Variants in TNC observed in about 807,000 individuals in gnomAD.
TNC encodes the protein tenascin C.
A neutral mutation model predicts 202.4 loss-of-function variants in TNC; 109 were observed. That is an observed-to-expected ratio of 0.54 (90% CI 0.46 to 0.63). The LOEUF is 0.63. Ranked by LOEUF, TNC falls within the 30% of genes least tolerant of loss-of-function variation. TNC has a pLI of 0.00. For synonymous variants in TNC, 1,007 were observed against 1,089.7 expected, an observed-to-expected ratio of 0.92 and a Z score of 1.50; for missense variants, 2,756 against 2,833.3, an observed-to-expected ratio of 0.97 and a Z score of 0.62.
intron 23 of TNC, among the ~76,000 whole-genome samples, chr9:115,030,877 T>TTGCTA (rs1392434947): frequency 1.3e-5 from 2 of 152,206 alleles, no homozygotes; most frequent in Non-Finnish European, 1.5e-5. Context: ...ACTTGCAGGT[T>TTGCTA]TGCTATCTGC....
At chr9:115,041,777 C>G (rs889590216) in intron 18 of TNC, among the ~76,000 whole-genome samples, 1 of 152,178 alleles carries the variant, frequency 6.6e-6, no homozygotes, top group African/African-American at 2.4e-5. Flanking sequence ...ATAGCCCATG[C>G]GCTTTGAGTT....
At position 115,036,148 on chromosome 9, in the gene TNC, G is replaced by T. The variant is rs1830309763; in HGVS notation, c.5606C>A (p.Ala1869Glu). The T allele has an allele frequency of 6.2e-7, 1 of 1,614,172 alleles. No homozygotes were observed. The highest frequency in any genetic ancestry group is 8.5e-7 in the Non-Finnish European group (1 of 1,180,022). ...PATEYTLRIF[A>E]EKGPQKSSTI... ...TGAGCTCTTCTGGGGCCCTTTCTCT[G>T]CAAAGATTCTCAGTGTGTATTCCGT... The change falls in exon 21 of 28, where the codon GCA (alanine) becomes GAA (glutamate). Residue 1869 changes from alanine (A) to glutamate (E), a missense_variant. Coordinates refer to ENST00000350763, the MANE Select transcript of TNC (RefSeq NM_002160.4).
chr9:115,031,703 A>C lies in TNC; in HGVS notation c.5788-18T>G. ...ATGACTTCCTAAGAGCAGAAGAAAAAGTATAATGGCTTTTGGTCACAGAAA... is the reference window on the plus strand; with the variant it reads ...ATGACTTCCTAAGAGCAGAAGAAAACGTATAATGGCTTTTGGTCACAGAAA... On this transcript the variant is annotated intron_variant, in intron 22 of 27. Transcript: ENST00000350763. 3 of 1,603,272 alleles carry C rather than the reference A, an allele frequency of 1.9e-6. No individual in the cohort carries two copies. The highest frequency in any genetic ancestry group is 1.7e-6 in the Non-Finnish European group (2 of 1,176,582).
Position 115,073,583 on chromosome 9 carries a change from G to C in TNC, c.3214+20C>G. 1 of 1,602,430 alleles carries C rather than the reference G, an allele frequency of 6.2e-7. No individual in the cohort carries two copies. Among genetic ancestry groups the C allele is most frequent in the Non-Finnish European group, 8.5e-7 (1 of 1,171,054 alleles). ...CTCAGAATCAACCTAGAGTTTGGAG[G>C]AAGCTCAGGGCAGACTCACCAGTGG... is the stretch of plus-strand genomic sequence containing the variant. On this transcript the variant is annotated intron_variant, in intron 10 of 27. Transcript: ENST00000350763.
intron 1 of TNC, among the ~76,000 whole-genome samples, chr9:115,092,335 TC>T (rs1835293499): frequency 6.6e-6 from 1 of 152,222 alleles, no homozygotes; most frequent in Non-Finnish European, 1.5e-5. Flanking sequence ...GTTATCTTAT[TC>T]ATCTCTCTTA....
chr9:115,030,202 C>T (rs1564407951), intron 24 of TNC, 52 bp downstream of exon 24: 1 of 1,539,744 alleles, frequency 6.5e-7, no homozygotes. Flanking sequence ...CTGCTTTGCC[C>T]TCTCCCTCTT....
At chr9:115,072,943 T>G (rs3789872) in intron 10 of TNC, among the ~76,000 whole-genome samples, 113,861 of 151,850 alleles carry the variant, frequency 0.75, 43,328 homozygotes, top group Middle Eastern at 0.86. Context: ...AACCATGGCC[T>G]CAGGTTCAGT....
chr9:115,050,770 T>C (rs2132250937), intron 15 of TNC, among the ~76,000 whole-genome samples: 1 of 152,316 alleles, frequency 6.6e-6, no homozygotes, highest in East Asian at 1.9e-4. Flanking sequence ...TCACCAACTC[T>C]ATTTAATCTA....
intron 15 of TNC, chr9:115,052,681 A>C: frequency 3.1e-6 from 2 of 645,410 alleles, no homozygotes; most frequent in Non-Finnish European, 5.6e-6. Flanking sequence ...ATTTTCCTTT[A>C]AGATGACTTA....
At chr9:115,083,384 T>TA (rs1455496549) in intron 4 of TNC, among the ~76,000 whole-genome samples, 1 of 152,130 alleles carries the variant, frequency 6.6e-6, no homozygotes, top group African/African-American at 2.4e-5. Context: ...TGTTTCCACT[T>TA]AAAGAAAAAT....
rs753520738 is a variant in TNC, at chr9:115,064,692, T to A, written c.3442A>T (p.Ile1148Phe). 1.2e-6 allele frequency: 2 copies of A among 1,613,966 alleles called. No individual in the cohort carries two copies. Among genetic ancestry groups the A allele is most frequent in the Admixed American group, 1.7e-5 (1 of 59,996 alleles). Residue 1148 changes from isoleucine (I) to phenylalanine (F), a missense_variant, in exon 11 of 28, where the codon ATC becomes TTC. Transcript: ENST00000350763. ...TPYTVSIYGVIQGYRTPVLSA... is the reference protein window; with the variant it reads ...TPYTVSIYGVFQGYRTPVLSA... ...AGCACTGGTGTTCTATAGCCCTGGA[T>A]CACCCCATAGATGGAGACTGTATAA...
At chr9:115,102,432 G>A (rs1460449694) in intron 1 of TNC, among the ~76,000 whole-genome samples, 2 of 152,240 alleles carry the variant, frequency 1.3e-5, no homozygotes, top group African/African-American at 4.8e-5. Context: ...TGATCATTCA[G>A]CGAGGGTTCC....
Position 115,036,200 on chromosome 9 carries a change from A to G in TNC, c.5554T>C (p.Tyr1852His), listed in dbSNP as rs1322615624. ...GCAGGCTCGAGGTCGGTCAGAGCAT[A>G]CTCCACTGTGTTCCCGGACACCGTG... ...TRTVSGNTVE[Y>H]ALTDLEPATE... Residue 1852 changes from tyrosine to histidine, a missense_variant, in exon 21 of 28, where the codon TAT becomes CAT. This residue lies in a region of TNC where 2,559 missense variants were observed against 2,546.0 expected (regional missense o/e 1.01). Coordinates refer to ENST00000350763, the MANE Select transcript of TNC (RefSeq NM_002160.4). The G allele has an allele frequency of 6.2e-7, 1 of 1,613,956 alleles. No homozygotes were observed. Among genetic ancestry groups the G allele is most frequent in the African/African-American group, 1.3e-5 (1 of 74,942 alleles).
Position 115,114,088 on chromosome 9 carries a change from G to A in TNC, c.-137+3894C>T, listed in dbSNP as rs1837277083. On this transcript the variant is annotated intron_variant, in intron 1 of 27. Transcript: ENST00000350763. ...CCATCTCTGTCTTTTACATTGAATGGAATTATGGCCTGGGGTTTGCAGGAG... is the reference window on the plus strand; with the variant it reads ...CCATCTCTGTCTTTTACATTGAATGAAATTATGGCCTGGGGTTTGCAGGAG... Among the ~76,000 whole-genome samples, 3 of 152,200 alleles carry A rather than the reference G, an allele frequency of 2.0e-5. No homozygotes were observed. In the South Asian group the frequency reaches 6.2e-4, roughly 31 times the overall value.
At chr9:115,113,758 C>T (rs1471272927) in intron 1 of TNC, among the ~76,000 whole-genome samples, 1 of 152,176 alleles carries the variant, frequency 6.6e-6, no homozygotes, top group Non-Finnish European at 1.5e-5. Context: ...TTTAAAATCT[C>T]CATTCACAGA....
chr9:115,073,902 C>T (rs1337523111), intron 9 of TNC, 36 bp from the exon 10 acceptor site: 2 of 1,591,762 alleles, frequency 1.3e-6, no homozygotes, highest in African/African-American at 1.3e-5. Context: ...GCTCTTCAGG[C>T]TGCAAGACAG....
intron 1 of TNC, chr9:115,112,688 T>A (rs574332156): frequency 6.6e-6 from 1 of 152,398 alleles, no homozygotes; most frequent in South Asian, 2.1e-4. Context: ...GGCATCTCCT[T>A]TGGGGACTGT....
chr9:115,044,179 C>T (rs1830992608), intron 17 of TNC, among the ~76,000 whole-genome samples: 1 of 151,408 alleles, frequency 6.6e-6, no homozygotes. Flanking sequence ...ACAGCAGGGC[C>T]TTCTCAGGAG....
rs774027099 is a variant in TNC, at chr9:115,057,187, G to A, written c.4545C>T (p.Ile1515=). 6.2e-7 allele frequency: 1 copy of A among 1,613,876 alleles called. No individual in the cohort carries two copies. The highest frequency in any genetic ancestry group is 1.1e-5 in the South Asian group (1 of 91,028). ...IVYLSGLAPS[I]RTKTISATAT... Reference sequence around the variant, plus strand: ...CTGTGGCACTGATGGTTTTGGTCCGGATGCTGGGAGCAAGTCCAGAGAGGT... The same window carrying A: ...CTGTGGCACTGATGGTTTTGGTCCGAATGCTGGGAGCAAGTCCAGAGAGGT... Residue 1515 remains isoleucine, a synonymous_variant, in exon 15 of 28, where the codon ATC becomes ATT. Transcript: ENST00000350763.
Sources: allele counts gnomAD v4.1 joint callset (sites outside exome capture counted in the v4.1 genomes callset), GRCh38; gene constraint gnomAD v4.1.1; regional missense constraint gnomAD v4.1.1; transcripts MANE v1.5; gene names NCBI Gene and HGNC (gene_info 2026-07-23, HGNC 2026-07-21).